Variants in RPRD2 observed in about 807,000 individuals in gnomAD.
RPRD2 encodes regulation of nuclear pre-mRNA domain-containing protein 2.
Under a neutral mutation model 104.4 loss-of-function variants are expected in RPRD2, and 12 were observed. The ratio of observed to expected loss-of-function variants is 0.11; its 90% CI spans 0.07 to 0.19. The LOEUF is 0.19. Among genes scored for constraint, RPRD2 ranks in the 10% least tolerant of loss-of-function variants. The probability of loss-of-function intolerance (pLI) is 1.00; values close to 1 mark genes in which losing one functional copy is unlikely to be tolerated. For missense variants in RPRD2, 1,543 were observed against 1,790.1 expected, an observed-to-expected ratio of 0.86 and a Z score of 2.49; for synonymous variants, 714 against 684.9, an observed-to-expected ratio of 1.04 and a Z score of -0.66.
chr1:150,419,075 T>A (rs139222897), intron 2 of RPRD2, among the ~76,000 whole-genome samples: 1 of 152,148 alleles, frequency 6.6e-6, no homozygotes, highest in African/African-American at 2.4e-5. Context: ...TCTTTTTGAA[T>A]GCCTATTGAA....
intron 1 of RPRD2, among the ~76,000 whole-genome samples, chr1:150,377,715 T>C (rs1660826427): frequency 6.6e-6 from 1 of 152,188 alleles, no homozygotes; most frequent in African/African-American, 2.4e-5. Flanking sequence ...GGTATCACTT[T>C]GGTTGGATTG....
chr1:150,433,661 G>T (rs979042499), intron 2 of RPRD2, among the ~76,000 whole-genome samples: 6 of 148,292 alleles, frequency 4.0e-5, no homozygotes, highest in African/African-American at 1.5e-4. Flanking sequence ...AGCCAGGATG[G>T]TCTCAATCTG....
chr1:150,446,317 A>G lies in RPRD2; in HGVS notation c.786A>G (p.Lys262=). ...TGAATGGATTAGATAAGCAGGTGAAAAACGGACCCTCATTAACAGAAGCAC... is the reference window on the plus strand; with the variant it reads ...TGAATGGATTAGATAAGCAGGTGAAGAACGGACCCTCATTAACAGAAGCAC... ...EFVNGLDKQV[K]NGPSLTEALE... The change falls in exon 7 of 11, where the codon AAA becomes AAG. Residue 262 remains lysine, a synonymous_variant. Coordinates refer to ENST00000369068, the MANE Select transcript of RPRD2 (RefSeq NM_015203.5). The G allele has an allele frequency of 6.2e-7, 1 of 1,612,956 alleles. No individual in the cohort carries two copies. The highest frequency in any genetic ancestry group is 1.1e-5 in the South Asian group (1 of 90,850).
chr1:150,393,477 A>C (rs868934618), intron 1 of RPRD2, among the ~76,000 whole-genome samples: 22 of 149,938 alleles, frequency 1.5e-4, no homozygotes, highest in African/African-American at 4.4e-4. Flanking sequence ...AAAAAAAAAA[A>C]CCAATAAAAA....
intron 9 of RPRD2, among the ~76,000 whole-genome samples, chr1:150,461,519 T>C (rs1553898831): frequency 6.6e-6 from 1 of 152,188 alleles, no homozygotes; most frequent in Admixed American, 6.5e-5. Context: ...TCCTTTATTA[T>C]TAGGCACTTA....
intron 1 of RPRD2, among the ~76,000 whole-genome samples, chr1:150,395,805 G>A (rs1356436959): frequency 6.6e-6 from 1 of 152,172 alleles, no homozygotes; most frequent in East Asian, 1.9e-4. Context: ...CACCGCGTCC[G>A]GCCGCAAGTA....
intron 1 of RPRD2, among the ~76,000 whole-genome samples, chr1:150,366,639 C>T (rs1412914764): frequency 1.3e-5 from 2 of 152,054 alleles, no homozygotes; most frequent in Non-Finnish European, 2.9e-5. Flanking sequence ...AACTAAGACT[C>T]GGAAATTAAG....
At position 150,473,573 on chromosome 1, in the gene RPRD2, AAAAAAAGT is replaced by A; in HGVS notation, c.*243_*250del. On this transcript the variant is annotated 3_prime_UTR_variant, in exon 11 of 11. Transcript: ENST00000369068. Reference sequence around the variant, plus strand: ...GTTTGTATTAAAAAAAAAAAAAAAAAAAAAAAGTAAAGAAACACAACCAAAGCCATTTC... The same window carrying A: ...GTTTGTATTAAAAAAAAAAAAAAAAAAAAGAAACACAACCAAAGCCATTTC... 4 of 239,630 alleles carry A rather than the reference AAAAAAAGT, an allele frequency of 1.7e-5. No homozygotes were observed. The highest frequency in any genetic ancestry group is 2.5e-5 in the Non-Finnish European group (3 of 120,482). The allele number at this position is 239,630 out of a possible 1,614,324, so 14.8% of individuals were successfully genotyped here.
At chr1:150,446,024 C>T (rs1366071424) in intron 6 of RPRD2, among the ~76,000 whole-genome samples, 5 of 149,296 alleles carry the variant, frequency 3.3e-5, no homozygotes, top group South Asian at 2.1e-4. Flanking sequence ...GCTGAGATCG[C>T]GCCACTGCAC....
chr1:150,365,959 A>G (rs1174457932), intron 1 of RPRD2, among the ~76,000 whole-genome samples: 1 of 152,220 alleles, frequency 6.6e-6, no homozygotes, highest in African/African-American at 2.4e-5. Flanking sequence ...TAATGTGCAC[A>G]GGAAATGTGC....
chr1:150,391,848 C>T (rs1008015969), intron 1 of RPRD2, among the ~76,000 whole-genome samples: 1 of 152,050 alleles, frequency 6.6e-6, no homozygotes, highest in East Asian at 1.9e-4. Context: ...GCAGAGGTTG[C>T]AGTGAGCCGA....
intron 1 of RPRD2, among the ~76,000 whole-genome samples, chr1:150,365,448 T>C (rs1279454977): frequency 2.0e-5 from 3 of 152,220 alleles, no homozygotes; most frequent in Admixed American, 6.5e-5. Context: ...GCATGAGCTC[T>C]ACATAGATCT....
intron 2 of RPRD2, among the ~76,000 whole-genome samples, chr1:150,432,718 G>A (rs1255870703): frequency 1.3e-5 from 2 of 151,698 alleles, no homozygotes; most frequent in Admixed American, 6.6e-5. Context: ...TGGCTCACAC[G>A]TGTAATCCTG....
At chr1:150,439,436 T>C (rs12736375) in intron 2 of RPRD2, among the ~76,000 whole-genome samples, 90,527 of 151,438 alleles carry the variant, frequency 0.6, 27,527 homozygotes, top group African/African-American at 0.65. Flanking sequence ...GCCAAGATCA[T>C]GCCACCATAG....
At chr1:150,397,057 T>G (rs1215221457) in intron 1 of RPRD2, among the ~76,000 whole-genome samples, 1 of 152,198 alleles carries the variant, frequency 6.6e-6, no homozygotes, top group East Asian at 1.9e-4. Flanking sequence ...CACTGCAGCC[T>G]CTGCCTCCCA....
In RPRD2 at chr1:150,460,157, C is replaced by T; in HGVS notation, c.1251C>T (p.Thr417=). ...TENISKASSC[T]PVPVTMTATP... ...ATATCTCAAAGGCCTCTTCATGTACCCCAGTGCCTGTGACCATGACAGCAA... is the reference window on the plus strand; with the variant it reads ...ATATCTCAAAGGCCTCTTCATGTACTCCAGTGCCTGTGACCATGACAGCAA... The change falls in exon 9 of 11, where the codon ACC becomes ACT. Residue 417 remains threonine, a synonymous_variant. Coordinates refer to ENST00000369068, the MANE Select transcript of RPRD2 (RefSeq NM_015203.5). 6.2e-7 allele frequency: 1 copy of T among 1,613,916 alleles called. No homozygotes were observed. The highest frequency in any genetic ancestry group is 8.5e-7 in the Non-Finnish European group (1 of 1,179,860).
rs782137106 is a variant in RPRD2 at position 150,460,267 on chromosome 1, C to T, written c.1361C>T (p.Ala454Val). 1.9e-6 allele frequency: 3 copies of T among 1,612,912 alleles called. No individual in the cohort carries two copies. In the Admixed American group the frequency reaches 5.0e-5, roughly 27 times the overall value. The change falls in exon 9 of 11, where the codon GCA becomes GTA. Residue 454 changes from alanine (A) to valine (V), a missense_variant. This residue lies in a region of RPRD2 where 572 missense variants were observed against 787.3 expected (regional missense o/e 0.73). Transcript: ENST00000369068. ...CCAAACCTGGCTAATGTGGATCTGG[C>T]AAAGATCAGTTCCATCCTTAGCAGT... The part of the protein sequence containing the change: ...ALPNLANVDL[A>V]KISSILSSLT...
Position 150,460,093 on chromosome 1 carries a change from C to T in RPRD2, c.1187C>T (p.Ser396Leu), listed in dbSNP as rs2102411559. The T allele has an allele frequency of 6.2e-7, 1 of 1,613,890 alleles. No individual in the cohort carries two copies. The highest frequency in any genetic ancestry group is 2.2e-5 in the East Asian group (1 of 44,882). Residue 396 changes from serine (S) to leucine (L), a missense_variant, in exon 9 of 11, where the codon TCA becomes TTA. Physicochemically the swap from Ser to Leu is moderately radical, Grantham distance 145. Transcript: ENST00000369068. ...EDRKEKPAEK[S>L]AVSTSVPTKP... ...AGGAAGGAAAAACCTGCAGAGAAGT[C>T]AGCTGTATCCACTTCTGTACCTACA... is the stretch of plus-strand genomic sequence containing the variant.
At chr1:150,463,291 T>A (rs1455692960) in intron 9 of RPRD2, among the ~76,000 whole-genome samples, 1 of 152,066 alleles carries the variant, frequency 6.6e-6, no homozygotes, top group Non-Finnish European at 1.5e-5. Context: ...CGCCTGTGAA[T>A]GTCCACTGCA....
Sources: gnomAD v4.1 joint callset for allele counts (sites outside exome capture counted in the v4.1 genomes callset) on GRCh38, gnomAD v4.1.1 for gene constraint, gnomAD v4.1.1 regional missense constraint, MANE v1.5 for transcripts, NCBI Gene and HGNC (gene_info 2026-07-23, HGNC 2026-07-21) for gene names.